Variants in ITGA4 observed in about 807,000 individuals in gnomAD.
The protein encoded by ITGA4 is integrin subunit alpha 4.
Under a neutral mutation model 133.6 loss-of-function variants are expected in ITGA4, and 63 were observed. The ratio of observed to expected loss-of-function variants is 0.47; its 90% CI spans 0.38 to 0.58. ITGA4 has a LOEUF of 0.58. Ranked by LOEUF, ITGA4 falls within the 20% of genes least tolerant of loss-of-function variation. The pLI is 0.00. For missense variants in ITGA4, 1,076 were observed against 1,252.7 expected, an observed-to-expected ratio of 0.86 and a Z score of 2.13; for synonymous variants, 483 against 438.0, an observed-to-expected ratio of 1.10 and a Z score of -1.28.
intron 16 of ITGA4, among the ~76,000 whole-genome samples, chr2:181,510,592 C>A (rs1014307895): frequency 1.4e-4 from 22 of 152,190 alleles, no homozygotes; most frequent in African/African-American, 4.6e-4. Flanking sequence ...TAGTTCACAT[C>A]CTGTCCAGAC....
chr2:181,475,694 C>A lies in ITGA4; in HGVS notation c.556+406C>A, dbSNP rs1017081316. The A allele has an allele frequency of 4.9e-6, 6 of 1,217,288 alleles. No individual in the cohort carries two copies. The Admixed American group carries it at 1.7e-4, about 35-fold the overall frequency. The allele number at this position is 1,217,288 out of a possible 1,614,324, so 75.4% of individuals were successfully genotyped here. On this transcript the variant is annotated intron_variant, in intron 4 of 27. Coordinates refer to ENST00000397033, the MANE Select transcript of ITGA4 (RefSeq NM_000885.6). ...TCCAGGAGTAATTGGGAAGAATAATCAGTGTAAGCAAATCTTTCATTCGCA... is the reference window on the plus strand; with the variant it reads ...TCCAGGAGTAATTGGGAAGAATAATAAGTGTAAGCAAATCTTTCATTCGCA...
chr2:181,527,318 T>G lies in ITGA4; in HGVS notation c.2361T>G (p.Phe787Leu), dbSNP rs200854638. The change falls in exon 22 of 28, where the codon TTT becomes TTG. Residue 787 changes from phenylalanine to leucine, a missense_variant. Phe to Leu is a conservative substitution (Grantham distance 22). Coordinates refer to ENST00000397033, the MANE Select transcript of ITGA4 (RefSeq NM_000885.6). ...CCAGGTTTGTAAACCCAACTTCATT[T>G]GTGTATGGATCAAATGATGAAAATG... Reference protein sequence around the residue: ...TVHGFVNPTSFVYGSNDENEP... With the variant: ...TVHGFVNPTSLVYGSNDENEP... 4 of 1,611,966 alleles carry G rather than the reference T, an allele frequency of 2.5e-6. No homozygotes were observed. The highest frequency in any genetic ancestry group is 3.4e-6 in the Non-Finnish European group (4 of 1,178,176).
intron 16 of ITGA4, 45 bp downstream of exon 16, chr2:181,509,852 T>A (rs1337105205): frequency 1.4e-6 from 2 of 1,402,872 alleles, no homozygotes; most frequent in Non-Finnish European, 2.0e-6. Context: ...GGCATTTAAC[T>A]AAATTTTTAA....
intron 10 of ITGA4, among the ~76,000 whole-genome samples, chr2:181,486,684 G>T (rs1362633958): frequency 6.6e-6 from 1 of 152,176 alleles, no homozygotes; most frequent in Non-Finnish European, 1.5e-5. Flanking sequence ...AGCATTTACT[G>T]TTAAAAATTT....
intron 10 of ITGA4, among the ~76,000 whole-genome samples, chr2:181,491,597 AT>A (rs968978135): frequency 1.3e-5 from 2 of 152,186 alleles, no homozygotes; most frequent in Non-Finnish European, 2.9e-5. Context: ...AAGGCTTGTT[AT>A]TTTTTTCATG....
At chr2:181,527,778 C>G (rs766766945) in intron 22 of ITGA4, among the ~76,000 whole-genome samples, 1 of 152,314 alleles carries the variant, frequency 6.6e-6, no homozygotes, top group Middle Eastern at 3.4e-3. Context: ...AAAACCTCAG[C>G]ACTACAAAGT....
In ITGA4 at chr2:181,523,786, C is replaced by G. The variant is rs150188412; in HGVS notation, c.2169+254C>G. Among the ~76,000 whole-genome samples the G allele has an allele frequency of 1.2e-4, 18 of 152,208 alleles. No individual in the cohort carries two copies. In the East Asian group the frequency reaches 3.5e-3, roughly 29 times the overall value. On this transcript the variant is annotated intron_variant, in intron 19 of 27. Coordinates refer to ENST00000397033, the MANE Select transcript of ITGA4 (RefSeq NM_000885.6). This position sits in a 1 kb window ranked among gnomAD's most constrained non-coding sequence, Gnocchi z 4.2. ...TGTGTCAATCAGAATTCTGCTCCCC[C>G]TACACACCCTTCCCGAAAACCCCCA...
Position 181,482,650 on chromosome 2 carries a change from C to T in ITGA4, c.1040C>T (p.Ser347Leu). 1.9e-6 allele frequency: 3 copies of T among 1,613,146 alleles called. No homozygotes were observed. Among genetic ancestry groups the T allele is most frequent in the South Asian group, 1.1e-5 (1 of 91,002 alleles). The change falls in exon 9 of 28, where the codon TCG becomes TTG. Residue 347 changes from serine to leucine, a missense_variant and splice_region_variant. By Grantham distance (145) the Ser-to-Leu change is moderately radical. This residue lies in a region of ITGA4 where 436 missense variants were observed against 590.7 expected (regional missense o/e 0.74). Coordinates refer to ENST00000397033, the MANE Select transcript of ITGA4 (RefSeq NM_000885.6). The part of the protein sequence containing the change: ...GRVFVYINSG[S>L]GAVMNAMETN... Reference sequence around the variant, plus strand: ...GTGTTTGTGTACATCAACTCTGGCTCGGTATGTCCAAGTGCCCCAACTGGA... The same window carrying T: ...GTGTTTGTGTACATCAACTCTGGCTTGGTATGTCCAAGTGCCCCAACTGGA...
At chr2:181,480,355 A>T (rs1291189277) in intron 6 of ITGA4, 89 bp downstream of exon 6, 2 of 686,532 alleles carry the variant, frequency 2.9e-6, no homozygotes, top group Non-Finnish European at 4.5e-6. Context: ...TTTTCCAAAG[A>T]TCTAAATGGC....
At position 181,538,227 on chromosome 2, in the gene ITGA4, A is replaced by G. The variant is rs141723283; in HGVS notation, c.*2700A>G. Reference sequence around the variant, plus strand: ...TTCCATGCTTCCTCCATAAAGACTGATAAGTCTTGGATGCAATCTGTAAAG... The same window carrying G: ...TTCCATGCTTCCTCCATAAAGACTGGTAAGTCTTGGATGCAATCTGTAAAG... On this transcript the variant is annotated 3_prime_UTR_variant, in exon 28 of 28. Coordinates refer to ENST00000397033, the MANE Select transcript of ITGA4 (RefSeq NM_000885.6). The G allele has an allele frequency of 5.0e-5, 80 of 1,591,160 alleles. No individual in the cohort carries two copies. In the Middle Eastern group the frequency reaches 1.1e-3, roughly 22 times the overall value.
Position 181,530,559 on chromosome 2 carries a change from A to C in ITGA4, c.2574A>C (p.Gln858His). 1.2e-6 allele frequency: 2 copies of C among 1,613,224 alleles called. No individual in the cohort carries two copies. The highest frequency in any genetic ancestry group is 2.2e-5 in the East Asian group (1 of 44,834). ...GAGAATGCCACTTTGAAAATTATCA[A>C]AGAGTGTGTGCATTAGAGCAGCAAA... is the stretch of plus-strand genomic sequence containing the variant. ...TTGECHFENY[Q>H]RVCALEQQKS... is the part of the protein sequence containing the mutation. Residue 858 changes from glutamine to histidine, a missense_variant, in exon 24 of 28, where the codon CAA becomes CAC. Gln to His is a conservative substitution (Grantham distance 24). Transcript: ENST00000397033.
chr2:181,517,613 CTTTA>C (rs1398095230), intron 17 of ITGA4, among the ~76,000 whole-genome samples: 2 of 151,990 alleles, frequency 1.3e-5, no homozygotes, highest in Non-Finnish European at 2.9e-5. Flanking sequence ...GCACCTGGTT[CTTTA>C]TTATGTCTCA....
intron 2 of ITGA4, among the ~76,000 whole-genome samples, chr2:181,469,688 G>A (rs920328122): frequency 7.9e-5 from 12 of 152,240 alleles, no homozygotes; most frequent in African/African-American, 2.2e-4. Context: ...AATGTAGACT[G>A]GATTAAGAAA....
intron 10 of ITGA4, among the ~76,000 whole-genome samples, chr2:181,489,444 A>AT (rs145372638): frequency 0.035 from 5,303 of 152,224 alleles, 309 homozygotes; most frequent in African/African-American, 0.12. Flanking sequence ...AGCAGATCAC[A>AT]TTTTTTATTT....
intron 26 of ITGA4, among the ~76,000 whole-genome samples, 177 bp downstream of exon 26, chr2:181,534,547 T>TA (rs1687014828): frequency 6.6e-6 from 1 of 152,048 alleles, no homozygotes; most frequent in South Asian, 2.1e-4. Flanking sequence ...GAGGGAACAA[T>TA]ACAGCAGTTC....
chr2:181,528,507 C>A (rs60988970), intron 22 of ITGA4, among the ~76,000 whole-genome samples: 1 of 152,276 alleles, frequency 6.6e-6, no homozygotes, highest in African/African-American at 2.4e-5. Flanking sequence ...GTCTAGTCAA[C>A]TATGTAGATA....
chr2:181,473,892 C>A (rs756953051), intron 2 of ITGA4, among the ~76,000 whole-genome samples: 6 of 152,120 alleles, frequency 3.9e-5, no homozygotes, highest in Non-Finnish European at 5.9e-5. Context: ...TAGGAGGAGA[C>A]AAAGTGCCAA....
At chr2:181,475,968 T>C (rs1685665532) in intron 4 of ITGA4, 3 of 1,297,786 alleles carry the variant, frequency 2.3e-6, no homozygotes, top group Non-Finnish European at 3.0e-6. Flanking sequence ...TGCAAATTCA[T>C]AATTTTCTAA....
At chr2:181,530,750 A>C in intron 24 of ITGA4, 101 bp downstream of exon 24, 2 of 1,052,646 alleles carry the variant, frequency 1.9e-6, no homozygotes, top group Non-Finnish European at 1.4e-6. Context: ...CAATAATAAG[A>C]GAGAAGACAA....
Sources: gnomAD v4.1 joint callset for allele counts (sites outside exome capture counted in the v4.1 genomes callset) on GRCh38, gnomAD v4.1.1 for gene constraint, gnomAD v4.1.1 regional missense constraint, Gnocchi (gnomAD v3.1) non-coding constraint, MANE v1.5 for transcripts, NCBI Gene and HGNC (gene_info 2026-07-23, HGNC 2026-07-21) for gene names.